FSD1: variants seen among roughly 807,000 people sequenced by gnomAD.
FSD1 encodes fibronectin type III and SPRY domain containing 1, also known as fibronectin type III and SPRY domain-containing protein 1.
In FSD1, 23 loss-of-function variants were observed where a neutral mutation model predicts 58.2. The observed-to-expected ratio is 0.40, with a 90% CI of 0.28 to 0.56. The LOEUF (loss-of-function observed/expected upper bound fraction) is 0.56. Ranked by LOEUF, FSD1 falls within the 20% of genes least tolerant of loss-of-function variation. The probability of loss-of-function intolerance (pLI) is 0.54; values close to 1 mark genes in which losing one functional copy is unlikely to be tolerated. For synonymous variants in FSD1, 265 were observed against 263.4 expected, an observed-to-expected ratio of 1.01 and a Z score of -0.06; for missense variants, 563 against 670.8, an observed-to-expected ratio of 0.84 and a Z score of 1.78.
chr19:4,316,446 C>T (rs542754034), intron 7 of FSD1, among the ~76,000 whole-genome samples: 124 of 151,694 alleles, frequency 8.2e-4, no homozygotes, highest in African/African-American at 2.9e-3. Flanking sequence ...GTCTTGAACG[C>T]CTGACCTCAA....
At chr19:4,310,188 G>A (rs1194166776) in intron 4 of FSD1, 85 bp from the exon 5 acceptor site, 3 of 1,493,318 alleles carry the variant, frequency 2.0e-6, no homozygotes, top group Non-Finnish European at 2.8e-6. Context: ...TCTCTCCACT[G>A]CAATCCAGCC....
intron 10 of FSD1, 84 bp from the exon 11 acceptor site, chr19:4,322,902 T>C (rs896926168): frequency 2.0e-6 from 3 of 1,489,066 alleles, no homozygotes; most frequent in African/African-American, 1.4e-5. Context: ...AAGGAGCACC[T>C]TGGGGGCTGG....
chr19:4,305,874 G>C, intron 1 of FSD1, 72 bp from the exon 2 acceptor site: 1 of 1,114,596 alleles, frequency 9.0e-7, no homozygotes, highest in Non-Finnish European at 1.4e-6. Flanking sequence ...GTACATGTGC[G>C]TACACGTGTG....
chr19:4,323,757 T>C lies in FSD1; in HGVS notation c.*114T>C, dbSNP rs1971735113. ...TGCTGCTTGGAGCCTTAACTCCAGA[T>C]GGGGGGGTCACCAAGAGGGAGTGGG... On this transcript the variant is annotated 3_prime_UTR_variant, in exon 13 of 13. Transcript: ENST00000221856. This position sits in a 1 kb window ranked among gnomAD's most constrained non-coding sequence, Gnocchi z 7.7. 9 of 728,332 alleles carry C rather than the reference T, an allele frequency of 1.2e-5. No individual in the cohort carries two copies. The highest frequency in any genetic ancestry group is 1.1e-4 in the East Asian group (4 of 36,926). The allele number at this position is 728,332 out of a possible 1,614,324, so 45.1% of individuals were successfully genotyped here. A position where few individuals can be genotyped will look rare whatever the true frequency, so the allele number is the denominator to read the frequency against.
chr19:4,308,783 G>A (rs978431410), intron 4 of FSD1, among the ~76,000 whole-genome samples: 23 of 151,892 alleles, frequency 1.5e-4, no homozygotes, highest in African/African-American at 4.6e-4. Context: ...GCGTGAACTC[G>A]GGAGGCGGAG....
intron 7 of FSD1, among the ~76,000 whole-genome samples, 163 bp from the exon 8 acceptor site, chr19:4,317,019 C>T (rs1188802547): frequency 6.6e-6 from 1 of 152,204 alleles, no homozygotes; most frequent in African/African-American, 2.4e-5. Flanking sequence ...TTCCAAAGTG[C>T]TGGGATTACA....
chr19:4,309,834 G>A (rs1038044191), intron 4 of FSD1, among the ~76,000 whole-genome samples: 2 of 151,002 alleles, frequency 1.3e-5, no homozygotes, highest in East Asian at 2.0e-4. Context: ...GCGTGAACCC[G>A]GGAGGCGGAG....
rs1971594959 is a variant in FSD1 at position 4,304,652 on chromosome 19, G to C, written c.-95G>C. 2 of 747,466 alleles carry C rather than the reference G, an allele frequency of 2.7e-6. No homozygotes were observed. Among genetic ancestry groups the C allele is most frequent in the East Asian group, 6.9e-5 (2 of 28,838 alleles). 46.3% of individuals were successfully genotyped at this position (747,466 alleles called of 1,614,324 possible). A position where few individuals can be genotyped will look rare whatever the true frequency, so the allele number is the denominator to read the frequency against. On this transcript the variant is annotated 5_prime_UTR_variant, in exon 1 of 13. Transcript: ENST00000221856. ...GGGGGCGCGGCGGCGGCGAGGGCTC[G>C]GCGGGCCATTGGCTACCGGCCGCGG...
At chr19:4,311,805 C>T (rs1971694979) in intron 6 of FSD1, 37 bp from the exon 7 acceptor site, 1 of 1,604,602 alleles carries the variant, frequency 6.2e-7, no homozygotes, top group Non-Finnish European at 8.5e-7. Context: ...GAACCAGGCA[C>T]AGAATCCCGA....
chr19:4,312,902 C>A (rs1971710601), intron 7 of FSD1, among the ~76,000 whole-genome samples: 3 of 151,926 alleles, frequency 2.0e-5, no homozygotes, highest in Admixed American at 2.0e-4. Flanking sequence ...TGGTCTCCAA[C>A]CCCTGGCCTC....
At chr19:4,305,868 A>T in intron 1 of FSD1, 78 bp from the exon 2 acceptor site, 1 of 1,033,708 alleles carries the variant, frequency 9.7e-7, no homozygotes, top group Non-Finnish European at 1.5e-6. Context: ...ACGTGTGTAC[A>T]TGTGCGTACA....
rs1176387152 is a variant in FSD1, at chr19:4,311,802, G to A, written c.491-40G>A. 2.5e-6 allele frequency: 4 copies of A among 1,598,216 alleles called. No individual in the cohort carries two copies. In the African/African-American group the frequency reaches 4.0e-5, roughly 16 times the overall value. On this transcript the variant is annotated intron_variant, in intron 6 of 12. Transcript: ENST00000221856. ...GCAAGCCCCCTGCCCCCTGAACCAGGCACAGAATCCCGACCCCCTCTCCTT... is the reference window on the plus strand; with the variant it reads ...GCAAGCCCCCTGCCCCCTGAACCAGACACAGAATCCCGACCCCCTCTCCTT...
intron 4 of FSD1, among the ~76,000 whole-genome samples, chr19:4,309,553 C>G (rs991248569): frequency 6.6e-6 from 1 of 152,156 alleles, no homozygotes; most frequent in African/African-American, 2.4e-5. Flanking sequence ...GACACTTTGG[C>G]AAATACCTTC....
chr19:4,310,633 G>A, intron 6 of FSD1, 37 bp downstream of exon 6: 1 of 1,596,162 alleles, frequency 6.3e-7, no homozygotes, highest in Non-Finnish European at 8.5e-7. Context: ...AGGACTTCCG[G>A]GGAATGACCT....
Position 4,318,414 on chromosome 19 carries a change from T to C in FSD1, c.868T>C (p.Trp290Arg), listed in dbSNP as rs1328977409. ...GCGGGTGGATGATCTCTCCGTGGAG[T>C]GGGACGCTATGGGCGGGAAGGTGCA... ...NLRVDDLSVE[W>R]DAMGGKVQDI... Residue 290 changes from tryptophan (W) to arginine (R), a missense_variant, in exon 9 of 13, where the codon TGG becomes CGG. Physicochemically the swap from Trp to Arg is moderately radical, Grantham distance 101. Transcript: ENST00000221856. 1.9e-6 allele frequency: 3 copies of C among 1,613,118 alleles called. No individual in the cohort carries two copies.
chr19:4,320,816 G>A (rs1272148714), intron 10 of FSD1, among the ~76,000 whole-genome samples: 7 of 151,070 alleles, frequency 4.6e-5, no homozygotes, highest in African/African-American at 1.7e-4. Context: ...TGGGACTGAG[G>A]AGTATCTGGG....
intron 3 of FSD1, among the ~76,000 whole-genome samples, chr19:4,307,028 C>T (rs1971630077): frequency 6.6e-6 from 1 of 152,136 alleles, no homozygotes; most frequent in Non-Finnish European, 1.5e-5. Context: ...AGCCCTGGAG[C>T]TCGGATGTGG....
At chr19:4,305,180 C>T (rs1971604450) in intron 1 of FSD1, among the ~76,000 whole-genome samples, 1 of 149,720 alleles carries the variant, frequency 6.7e-6, no homozygotes, top group African/African-American at 2.5e-5. Context: ...CAAGAGGCTC[C>T]CGAGCGGGAT....
intron 7 of FSD1, among the ~76,000 whole-genome samples, chr19:4,314,465 G>T (rs922020397): frequency 6.6e-6 from 1 of 151,806 alleles, no homozygotes; most frequent in South Asian, 2.1e-4. Context: ...AATGGACACG[G>T]GTGCAGTGGA....
Sources: gnomAD v4.1 joint callset for allele counts (sites outside exome capture counted in the v4.1 genomes callset) on GRCh38, gnomAD v4.1.1 for gene constraint, Gnocchi (gnomAD v3.1) non-coding constraint, MANE v1.5 for transcripts, NCBI Gene and HGNC (gene_info 2026-07-23, HGNC 2026-07-21) for gene names.